The following HMCN1 variants were observed in gnomAD, a reference collection of about 807,000 sequenced individuals.
The protein encoded by HMCN1 is hemicentin 1.
A neutral mutation model predicts 625.9 loss-of-function variants in HMCN1; 321 were observed. The observed-to-expected ratio is 0.51, with a 90% CI of 0.47 to 0.56. The LOEUF is 0.56. HMCN1 is among the 20% of genes least tolerant of loss of function. HMCN1 has a pLI of 0.00. For synonymous variants in HMCN1, 2,425 were observed against 2,417.6 expected, an observed-to-expected ratio of 1.00 and a Z score of -0.09; for missense variants, 6,588 against 6,887.3, an observed-to-expected ratio of 0.96 and a Z score of 1.54.
chr1:185,911,827 G>T, intron 6 of HMCN1, 47 bp downstream of exon 6: 1 of 1,389,254 alleles, frequency 7.2e-7, no homozygotes, highest in Non-Finnish European at 1.0e-6. Context: ...TTTGAAGTTG[G>T]CATTTTTCAT....
At chr1:186,054,263 AG>A (rs545394369) in intron 44 of HMCN1, among the ~76,000 whole-genome samples, 9 of 152,034 alleles carry the variant, frequency 5.9e-5, no homozygotes, top group African/African-American at 2.2e-4. Context: ...GGACATGTGG[AG>A]GGGGAAGGGG....
chr1:186,106,331 TA>T (rs1479159765), intron 69 of HMCN1, among the ~76,000 whole-genome samples: 2 of 152,212 alleles, frequency 1.3e-5, no homozygotes, highest in East Asian at 3.8e-4. Context: ...ATTTTGGTTT[TA>T]GTTAGATAAT....
At chr1:186,050,552 A>C (rs376486969) in intron 42 of HMCN1, among the ~76,000 whole-genome samples, 2 of 152,034 alleles carry the variant, frequency 1.3e-5, no homozygotes, top group African/African-American at 2.4e-5. Flanking sequence ...AGAAGAAAAC[A>C]ATGAGTAAGT....
intron 82 of HMCN1, among the ~76,000 whole-genome samples, chr1:186,126,632 A>G (rs1661659506): frequency 2.0e-5 from 3 of 152,136 alleles, no homozygotes; most frequent in Admixed American, 6.6e-5. Flanking sequence ...GACCGGGGGA[A>G]AAACAAAAAT....
At chr1:186,183,644 A>T (rs1013502113) in intron 105 of HMCN1, among the ~76,000 whole-genome samples, 4 of 152,160 alleles carry the variant, frequency 2.6e-5, no homozygotes, top group Admixed American at 1.3e-4. Flanking sequence ...TCTAATGGGC[A>T]CCCATTAGAT....
intron 103 of HMCN1, 141 bp from the exon 104 acceptor site, chr1:186,178,275 T>G: frequency 4.4e-6 from 3 of 676,722 alleles, no homozygotes; most frequent in Admixed American, 4.8e-5. Flanking sequence ...TCACAACAGT[T>G]GAGGAGAAAT....
chr1:185,847,553 C>A lies in HMCN1; in HGVS notation c.339+1457C>A, dbSNP rs895746593. Among the ~76,000 whole-genome samples, 3 of 152,298 alleles carry A rather than the reference C, an allele frequency of 2.0e-5. No individual in the cohort carries two copies. The East Asian group carries it at 5.8e-4, about 29-fold the overall frequency. On this transcript the variant is annotated intron_variant, in intron 2 of 106. Coordinates refer to ENST00000271588, the MANE Select transcript of HMCN1 (RefSeq NM_031935.3). ...TGCTTCCTCATATGTAACATATAAT[C>A]CATTTCCATCCAGCACCTATCCTAT...
chr1:185,854,754 G>T (rs140934569), intron 2 of HMCN1, among the ~76,000 whole-genome samples: 1 of 151,856 alleles, frequency 6.6e-6, no homozygotes, highest in Non-Finnish European at 1.5e-5. Context: ...TAAAATTTGC[G>T]TACCTCAAAC....
rs770202428 is a variant in HMCN1, at chr1:185,982,322, C to G, written c.2723C>G (p.Thr908Ser). 1.9e-6 allele frequency: 3 copies of G among 1,613,346 alleles called. No homozygotes were observed. Among genetic ancestry groups the G allele is most frequent in the Admixed American group, 3.3e-5 (2 of 60,008 alleles). ...AATGTTATTGAAGGACAGCAGCTTACTTTGCCCTGTACTCTGTTAGCTGGA... is the reference window on the plus strand; with the variant it reads ...AATGTTATTGAAGGACAGCAGCTTAGTTTGCCCTGTACTCTGTTAGCTGGA... ...VANVIEGQQL[T>S]LPCTLLAGNP... The change falls in exon 18 of 107, where the codon ACT (threonine) becomes AGT (serine). Residue 908 changes from threonine to serine, a missense_variant. Thr to Ser is a moderately conservative substitution (Grantham distance 58). This residue lies in a region of HMCN1 where 4,628 missense variants were observed against 4,853.1 expected (regional missense o/e 0.95). Coordinates refer to ENST00000271588, the MANE Select transcript of HMCN1 (RefSeq NM_031935.3).
In HMCN1 at chr1:186,117,578, A is replaced by G. The variant is rs114270813; in HGVS notation, c.11803A>G (p.Ile3935Val). ...FPSIHWTKNG[I>V]RLLPRGDGYR... Reference sequence around the variant, plus strand: ...CTCAATTCACTGGACCAAAAATGGTATAAGACTGCTTCCCAGGGGAGATGG... The same window carrying G: ...CTCAATTCACTGGACCAAAAATGGTGTAAGACTGCTTCCCAGGGGAGATGG... Residue 3935 changes from isoleucine (I) to valine (V), a missense_variant, in exon 77 of 107, where the codon ATA (isoleucine) becomes GTA (valine). Around this residue, in one of 3 missense-constraint regions of HMCN1, gnomAD observed 4,628 missense variants for 4,853.1 expected, o/e 0.95. Transcript: ENST00000271588. 5.4e-4 allele frequency: 873 copies of G among 1,613,960 alleles called. 5 individuals carry two copies. In the African/African-American group the frequency reaches 9.4e-3, roughly 17 times the overall value.
chr1:185,970,917 C>A (rs926558386), intron 15 of HMCN1, among the ~76,000 whole-genome samples: 1 of 152,134 alleles, frequency 6.6e-6, no homozygotes, highest in Admixed American at 6.6e-5. Flanking sequence ...ACCTCAGCCT[C>A]CCAAAGTGCT....
chr1:185,902,241 ATT>A, intron 4 of HMCN1, among the ~76,000 whole-genome samples: 1 of 149,410 alleles, frequency 6.7e-6, no homozygotes, highest in African/African-American at 2.4e-5. Context: ...TTTTATATAA[ATT>A]TTTTTTTTGT....
At chr1:185,737,644 A>G (rs180762776) in intron 1 of HMCN1, among the ~76,000 whole-genome samples, 4 of 152,348 alleles carry the variant, frequency 2.6e-5, no homozygotes, top group Non-Finnish European at 5.9e-5. Flanking sequence ...ACATATTCCT[A>G]TGGTTGGGTG....
rs559834075 is a variant in HMCN1, at chr1:185,952,510, T to C, written c.1829-10008T>C. On this transcript the variant is annotated intron_variant, in intron 11 of 106. Transcript: ENST00000271588. ...GTCACAGAGACTAGGAAGGGACTGA[T>C]GTGTAAAAGAATGCCTGGACGTCAG... 1.3e-3 allele frequency among the ~76,000 whole-genome samples: 192 copies of C among 151,814 alleles called. 1 individual carries two copies. The highest frequency in any genetic ancestry group is 4.2e-3 in the African/African-American group (172 of 41,212).
chr1:186,068,126 G>T, intron 50 of HMCN1, 119 bp downstream of exon 50: 1 of 983,508 alleles, frequency 1.0e-6, no homozygotes, highest in Non-Finnish European at 1.6e-6. Context: ...GTTATGTTCT[G>T]TGCAGCCTGG....
At chr1:186,074,687 C>T (rs1658694193) in intron 52 of HMCN1, 54 bp from the exon 53 acceptor site, 1 of 1,536,844 alleles carries the variant, frequency 6.5e-7, no homozygotes, top group South Asian at 1.1e-5. Context: ...TGCATGGCCT[C>T]TTAGAGGATT....
At chr1:185,864,356 G>A in intron 2 of HMCN1, 114 bp from the exon 3 acceptor site, 1 of 978,482 alleles carries the variant, frequency 1.0e-6, no homozygotes, top group Non-Finnish European at 1.6e-6. Flanking sequence ...CAAACTGACA[G>A]AAAATAAAAA....
At chr1:185,982,049 C>T (rs1458762442) in intron 17 of HMCN1, among the ~76,000 whole-genome samples, 1 of 152,186 alleles carries the variant, frequency 6.6e-6, no homozygotes, top group Non-Finnish European at 1.5e-5. Context: ...TTTACTACTG[C>T]AGTAATGTAT....
chr1:185,753,781 C>A (rs1654962484), intron 1 of HMCN1, among the ~76,000 whole-genome samples: 1 of 152,120 alleles, frequency 6.6e-6, no homozygotes, highest in South Asian at 2.1e-4. Context: ...ATAAGTCTTT[C>A]TAAGGATGTG....
Sources: allele counts gnomAD v4.1 joint callset (sites outside exome capture counted in the v4.1 genomes callset), GRCh38; gene constraint gnomAD v4.1.1; regional missense constraint gnomAD v4.1.1; transcripts MANE v1.5; gene names NCBI Gene and HGNC (gene_info 2026-07-23, HGNC 2026-07-21).